Variants in UVRAG observed in about 807,000 individuals in gnomAD.
UVRAG encodes UV radiation resistance-associated gene protein.
A neutral mutation model predicts 78.0 loss-of-function variants in UVRAG; 19 were observed. That is an observed-to-expected ratio of 0.24 (90% confidence interval 0.17 to 0.36). The LOEUF is 0.36. Among genes scored for constraint, UVRAG ranks in the 10% least tolerant of loss-of-function variants. The pLI is 1.00. For missense variants in UVRAG, 740 were observed against 853.8 expected (o/e 0.87, Z 1.66); for synonymous variants, 323 against 324.6 (o/e 1.00, Z 0.05).
intron 13 of UVRAG, among the ~76,000 whole-genome samples, chr11:76,075,537 T>C (rs1951388043): frequency 6.6e-6 from 1 of 151,812 alleles, no homozygotes; most frequent in Non-Finnish European, 1.5e-5. Context: ...AGGAGTGGCT[T>C]GTACCTGGGA....
intron 3 of UVRAG, among the ~76,000 whole-genome samples, chr11:75,867,938 C>T (rs985433132): frequency 6.6e-5 from 10 of 152,140 alleles, no homozygotes; most frequent in African/African-American, 9.7e-5. Context: ...TAAGGGTGTG[C>T]GTGTAGATAC....
chr11:76,028,118 G>A (rs550535692), intron 12 of UVRAG, among the ~76,000 whole-genome samples: 1 of 152,126 alleles, frequency 6.6e-6, no homozygotes, highest in East Asian at 1.9e-4. Flanking sequence ...AATATTTCAA[G>A]CTTTTCATTA....
At chr11:76,093,740 G>A (rs1178076868) in intron 13 of UVRAG, among the ~76,000 whole-genome samples, 1 of 152,008 alleles carries the variant, frequency 6.6e-6, no homozygotes, top group African/African-American at 2.4e-5. Flanking sequence ...GTTACTTATT[G>A]GCTTAAAGAG....
At chr11:75,869,743 G>T (rs1268196791) in intron 3 of UVRAG, among the ~76,000 whole-genome samples, 1 of 152,212 alleles carries the variant, frequency 6.6e-6, no homozygotes, top group Non-Finnish European at 1.5e-5. Context: ...AAAAGTGAAT[G>T]AGACAGGGAA....
At position 75,851,932 on chromosome 11, in the gene UVRAG, G is replaced by A; in HGVS notation, c.167G>A (p.Arg56Lys). 1 of 1,614,084 alleles carries A rather than the reference G, an allele frequency of 6.2e-7. No individual in the cohort carries two copies. The highest frequency in any genetic ancestry group is 1.1e-5 in the South Asian group (1 of 91,058). The change falls in exon 2 of 15, where the codon AGA (arginine) becomes AAA (lysine). Residue 56 changes from arginine to lysine, a missense_variant. Coordinates refer to ENST00000356136, the MANE Select transcript of UVRAG (RefSeq NM_003369.4). Reference protein sequence around the residue: ...RNIAARNIVNRNGHQLLDTYF... With the variant: ...RNIAARNIVNKNGHQLLDTYF... ...ATTGCTGCCCGGAACATTGTTAATA[G>A]AAATGGCCATCAGCTCCTTGATACC...
At chr11:75,823,042 C>T (rs924311294) in intron 1 of UVRAG, among the ~76,000 whole-genome samples, 12 of 152,084 alleles carry the variant, frequency 7.9e-5, no homozygotes, top group South Asian at 2.1e-4. Context: ...ACCTAGGAAA[C>T]GCTGAGGGAC....
intron 5 of UVRAG, among the ~76,000 whole-genome samples, chr11:75,904,746 G>T (rs1232257963): frequency 6.6e-6 from 1 of 152,010 alleles, no homozygotes; most frequent in Non-Finnish European, 1.5e-5. Flanking sequence ...TTTCACAGGG[G>T]TTTGTGAGTA....
chr11:76,091,081 A>G (rs1008794034), intron 13 of UVRAG, among the ~76,000 whole-genome samples: 1 of 152,196 alleles, frequency 6.6e-6, no homozygotes, highest in Non-Finnish European at 1.5e-5. Flanking sequence ...GCATGGAGAT[A>G]AATTTTTGAG....
chr11:75,966,358 C>T (rs1352270435), intron 7 of UVRAG, among the ~76,000 whole-genome samples: 1 of 151,968 alleles, frequency 6.6e-6, no homozygotes, highest in Non-Finnish European at 1.5e-5. Flanking sequence ...TTTTGAATTG[C>T]GTTTTCAGAT....
chr11:76,071,144 A>G lies in UVRAG; in HGVS notation c.1305+5356A>G, dbSNP rs151149401. Among the ~76,000 whole-genome samples the G allele has an allele frequency of 4.2e-3, 633 of 152,322 alleles. 4 individuals are homozygous for G. The highest frequency in any genetic ancestry group is 0.015 in the African/African-American group (609 of 41,568). ...ACAGAGAAAGTCATTTTAGATTGCA[A>G]TAAGTGCTGTGATGGAAATTAATTA... On this transcript the variant is annotated intron_variant, in intron 13 of 14. Transcript: ENST00000356136.
At chr11:76,087,934 G>C (rs760682281) in intron 13 of UVRAG, among the ~76,000 whole-genome samples, 2 of 152,214 alleles carry the variant, frequency 1.3e-5, no homozygotes, top group Non-Finnish European at 2.9e-5. Context: ...GAGCGCAGTG[G>C]TGCAATCACA....
At chr11:75,832,423 A>G (rs1381745472) in intron 1 of UVRAG, among the ~76,000 whole-genome samples, 2 of 152,212 alleles carry the variant, frequency 1.3e-5, no homozygotes, top group African/African-American at 4.8e-5. Context: ...AACTCAAGAA[A>G]ACATTTTATG....
chr11:76,001,072 A>G (rs906646588), intron 8 of UVRAG, among the ~76,000 whole-genome samples: 1 of 152,208 alleles, frequency 6.6e-6, no homozygotes, highest in Non-Finnish European at 1.5e-5. Context: ...TACATGGAAC[A>G]TTCAGTTAGA....
At chr11:75,819,026 G>A (rs1436681403) in intron 1 of UVRAG, among the ~76,000 whole-genome samples, 2 of 152,006 alleles carry the variant, frequency 1.3e-5, no homozygotes, top group East Asian at 3.9e-4. Flanking sequence ...TTTCTTAGGG[G>A]GCAAAATTAC....
intron 9 of UVRAG, 108 bp downstream of exon 9, chr11:76,004,197 A>T: frequency 1.0e-6 from 1 of 1,003,824 alleles, no homozygotes; most frequent in Non-Finnish European, 1.5e-6. Flanking sequence ...TAGCCCATAT[A>T]CCTCAGTACC....
At chr11:75,831,246 T>C (rs1297545072) in intron 1 of UVRAG, among the ~76,000 whole-genome samples, 3 of 152,092 alleles carry the variant, frequency 2.0e-5, no homozygotes, top group African/African-American at 7.2e-5. Flanking sequence ...CCCAGCACTT[T>C]GGGAGGCTGA....
intron 10 of UVRAG, among the ~76,000 whole-genome samples, 176 bp downstream of exon 10, chr11:76,007,797 T>C (rs1949975853): frequency 6.6e-6 from 1 of 152,112 alleles, no homozygotes; most frequent in Non-Finnish European, 1.5e-5. Context: ...CCTTAGGTCC[T>C]ACTATTTCAT....
intron 7 of UVRAG, among the ~76,000 whole-genome samples, chr11:75,971,495 C>T (rs969807882): frequency 2.4e-4 from 36 of 152,174 alleles, no homozygotes; most frequent in East Asian, 1.2e-3. Flanking sequence ...CATATCTTTG[C>T]CAGCATTTGG....
chr11:75,936,906 A>G (rs545332167), intron 6 of UVRAG, among the ~76,000 whole-genome samples: 2 of 152,184 alleles, frequency 1.3e-5, no homozygotes, highest in African/African-American at 4.8e-5. Flanking sequence ...CTACAGGCTT[A>G]GGCCACCATA....
Sources: allele counts gnomAD v4.1 joint callset (sites outside exome capture counted in the v4.1 genomes callset), GRCh38; gene constraint gnomAD v4.1.1; transcripts MANE v1.5; gene names NCBI Gene and HGNC (gene_info 2026-07-23, HGNC 2026-07-21).